GRIK2: variants seen among roughly 807,000 people sequenced by gnomAD.
The protein encoded by GRIK2 is glutamate ionotropic receptor kainate type subunit 2.
GRIK2 carries 32 observed loss-of-function variants against 100.3 expected under a neutral mutation model. That is an observed-to-expected ratio of 0.32 (90% confidence interval 0.24 to 0.43). The LOEUF (loss-of-function observed/expected upper bound fraction) is 0.43. Ranked by LOEUF, GRIK2 falls within the 20% of genes least tolerant of loss-of-function variation. The probability of loss-of-function intolerance (pLI) is 1.00; values close to 1 mark genes in which losing one functional copy is unlikely to be tolerated. For missense variants in GRIK2, 843 were observed against 1,114.9 expected (o/e 0.76, Z 3.47); for synonymous variants, 417 against 389.4 (o/e 1.07, Z -0.83).
At chr6:101,484,340 G>C (rs1037112881) in intron 2 of GRIK2, among the ~76,000 whole-genome samples, 1 of 152,152 alleles carries the variant, frequency 6.6e-6, no homozygotes, top group African/African-American at 2.4e-5. Flanking sequence ...AAGCTGAAGA[G>C]AATGTTGAAT....
chr6:101,759,771 TTGAC>T (rs1036812791), intron 7 of GRIK2, among the ~76,000 whole-genome samples: 25 of 151,562 alleles, frequency 1.6e-4, no homozygotes, highest in Admixed American at 3.9e-4. Context: ...ATTTCAATAA[TTGAC>T]TGTTTTAAAA....
In GRIK2 at chr6:101,459,974, C is replaced by T. The variant is rs551898924; in HGVS notation, c.115+60582C>T. 3.9e-5 allele frequency among the ~76,000 whole-genome samples: 6 copies of T among 152,228 alleles called. No homozygotes were observed. The South Asian group carries it at 1.2e-3, about 32-fold the overall frequency. ...GTTTCACCACTTTGGTCAGGCTGGT[C>T]TCGAACTTCCAATCTTAGGTGGTCT... On this transcript the variant is annotated intron_variant, in intron 2 of 16. Coordinates refer to ENST00000369134, the MANE Select transcript of GRIK2 (RefSeq NM_021956.5).
intron 2 of GRIK2, among the ~76,000 whole-genome samples, chr6:101,606,934 C>A (rs1779462001): frequency 1.3e-5 from 2 of 151,880 alleles, no homozygotes; most frequent in Admixed American, 1.3e-4. Context: ...TTGTGCCACG[C>A]TTTCTGTGTC....
intron 7 of GRIK2, among the ~76,000 whole-genome samples, chr6:101,788,657 G>C (rs1273832485): frequency 1.3e-5 from 2 of 152,158 alleles, no homozygotes; most frequent in Admixed American, 1.3e-4. Flanking sequence ...TGTGAATAGT[G>C]CTGCAATAAA....
intron 7 of GRIK2, among the ~76,000 whole-genome samples, chr6:101,730,120 A>G (rs1257701783): frequency 6.6e-6 from 1 of 151,982 alleles, no homozygotes; most frequent in Non-Finnish European, 1.5e-5. Flanking sequence ...TTCATTAGAG[A>G]AAAACACAGT....
intron 10 of GRIK2, among the ~76,000 whole-genome samples, chr6:101,852,478 C>T (rs920759128): frequency 2.0e-5 from 3 of 152,068 alleles, no homozygotes; most frequent in African/African-American, 7.2e-5. Flanking sequence ...CCCTGGCTTC[C>T]CCGGTTGACC....
chr6:101,872,421 G>A (rs921015108), intron 11 of GRIK2, among the ~76,000 whole-genome samples: 8 of 151,736 alleles, frequency 5.3e-5, no homozygotes, highest in African/African-American at 1.9e-4. Context: ...AGTAAAGCAG[G>A]GAAAAGTCCC....
intron 11 of GRIK2, among the ~76,000 whole-genome samples, chr6:101,879,703 C>A (rs1001083636): frequency 1.3e-5 from 2 of 150,370 alleles, no homozygotes; most frequent in African/African-American, 4.9e-5. Flanking sequence ...CCCCATCCAA[C>A]CCCTGAGTTG....
chr6:101,554,862 TTC>T (rs773556544), intron 2 of GRIK2, among the ~76,000 whole-genome samples: 398 of 127,888 alleles, frequency 3.1e-3, no homozygotes, highest in Middle Eastern at 7.4e-3. Flanking sequence ...ACTTTTTTTT[TTC>T]CCCCAAAATC....
chr6:101,545,789 C>T (rs1056016206), intron 2 of GRIK2, among the ~76,000 whole-genome samples: 3 of 152,066 alleles, frequency 2.0e-5, no homozygotes, highest in African/African-American at 4.8e-5. Flanking sequence ...TTTCTCATAG[C>T]GATTTTCTAA....
At chr6:101,912,237 T>C (rs1254743420) in intron 12 of GRIK2, among the ~76,000 whole-genome samples, 3 of 150,930 alleles carry the variant, frequency 2.0e-5, no homozygotes, top group African/African-American at 4.9e-5. Context: ...AAACATTATT[T>C]AAAAAAATGG....
At chr6:101,955,172 T>C (rs551244995) in intron 14 of GRIK2, among the ~76,000 whole-genome samples, 4 of 152,152 alleles carry the variant, frequency 2.6e-5, no homozygotes, top group African/African-American at 9.6e-5. Flanking sequence ...TTTCTTGTGA[T>C]TTTTTTGGGG....
chr6:101,455,689 G>A (rs1214252153), intron 2 of GRIK2, among the ~76,000 whole-genome samples: 1 of 152,006 alleles, frequency 6.6e-6, no homozygotes. Context: ...GGTAATATAG[G>A]TAGATAACGG....
intron 11 of GRIK2, among the ~76,000 whole-genome samples, chr6:101,871,329 C>A (rs1251291629): frequency 1.3e-5 from 2 of 151,698 alleles, no homozygotes; most frequent in East Asian, 3.9e-4. Flanking sequence ...CTTTCATAAT[C>A]ATTCTATTTA....
At chr6:101,707,809 A>C (rs925821002) in intron 7 of GRIK2, among the ~76,000 whole-genome samples, 3 of 151,470 alleles carry the variant, frequency 2.0e-5, no homozygotes, top group Admixed American at 6.6e-5. Flanking sequence ...AGATTGCAAG[A>C]TCTCTCAGTA....
chr6:101,557,821 C>A (rs999718803), intron 2 of GRIK2, among the ~76,000 whole-genome samples: 1 of 152,292 alleles, frequency 6.6e-6, no homozygotes, highest in East Asian at 1.9e-4. Flanking sequence ...CCTTCTTTAT[C>A]TCTCCCTAAC....
chr6:101,830,223 T>C (rs966854051), intron 10 of GRIK2, among the ~76,000 whole-genome samples: 4 of 152,036 alleles, frequency 2.6e-5, no homozygotes, highest in Non-Finnish European at 5.9e-5. Context: ...GCTAACCATA[T>C]GCACAAGAAT....
chr6:101,922,796 T>A (rs1789644114), intron 12 of GRIK2, among the ~76,000 whole-genome samples: 1 of 152,176 alleles, frequency 6.6e-6, no homozygotes, highest in African/African-American at 2.4e-5. Flanking sequence ...GCAATCAATG[T>A]TTTAGATAGT....
intron 2 of GRIK2, among the ~76,000 whole-genome samples, chr6:101,572,407 G>A (rs1285556059): frequency 6.6e-6 from 1 of 151,902 alleles, no homozygotes; most frequent in Non-Finnish European, 1.5e-5. Flanking sequence ...AGTTTTTGTT[G>A]TTAATGTTTT....
Sources: gnomAD v4.1 joint callset for allele counts (sites outside exome capture counted in the v4.1 genomes callset) on GRCh38, gnomAD v4.1.1 for gene constraint, MANE v1.5 for transcripts, NCBI Gene and HGNC (gene_info 2026-07-23, HGNC 2026-07-21) for gene names.